Variants in ATG7 observed in about 807,000 individuals in gnomAD.
ATG7 encodes the protein ubiquitin-like modifier-activating enzyme ATG7.
Under a neutral mutation model 82.4 loss-of-function variants are expected in ATG7, and 70 were observed. That is an observed-to-expected ratio of 0.85 (90% CI 0.70 to 1.04). The LOEUF (loss-of-function observed/expected upper bound fraction) is 1.04, where lower values mean the gene tolerates loss of function less well. Among genes scored for constraint, ATG7 ranks in the 50% least tolerant of loss-of-function variants. The pLI is 0.00. For missense variants in ATG7, 792 were observed against 864.3 expected (o/e 0.92, Z 1.05); for synonymous variants, 287 against 313.0 (o/e 0.92, Z 0.88).
intron 20 of ATG7, among the ~76,000 whole-genome samples, chr3:11,453,116 T>C (rs935957595): frequency 1.3e-5 from 2 of 152,122 alleles, no homozygotes; most frequent in Non-Finnish European, 2.9e-5. Context: ...ACACCCAAAT[T>C]GGAAGATTGT....
At chr3:11,518,653 G>A (rs1575162996) in intron 20 of ATG7, among the ~76,000 whole-genome samples, 1 of 152,148 alleles carries the variant, frequency 6.6e-6, no homozygotes, top group South Asian at 2.1e-4. Flanking sequence ...ACCTGAGATG[G>A]AGATGGACAT....
chr3:11,319,756 C>G lies in ATG7; in HGVS notation c.678+4263C>G, dbSNP rs573875591. ...TCTGGTTATCCTACCGGACAGCTGT[C>G]TTCCCCCTACCACCCCTGTGTCTTG... On this transcript the variant is annotated intron_variant, in intron 9 of 20. Transcript: ENST00000693202. 4.9e-4 allele frequency among the ~76,000 whole-genome samples: 75 copies of G among 152,334 alleles called. 1 individual carries two copies. The highest frequency in any genetic ancestry group is 1.4e-3 in the Admixed American group (22 of 15,300).
chr3:11,418,846 G>A (rs565499901), intron 19 of ATG7, among the ~76,000 whole-genome samples: 1 of 152,298 alleles, frequency 6.6e-6, no homozygotes, highest in South Asian at 2.1e-4. Context: ...ATGGTGGAAG[G>A]GGAAGCAAGG....
At chr3:11,332,675 TC>T (rs1332588127) in intron 10 of ATG7, 30 of 189,544 alleles carry the variant, frequency 1.6e-4, no homozygotes, top group African/African-American at 7.0e-4. Context: ...GAGCATTTTT[TC>T]CGCATTTAAA....
chr3:11,341,061 C>T (rs189973027), intron 12 of ATG7, among the ~76,000 whole-genome samples: 6 of 151,920 alleles, frequency 3.9e-5, no homozygotes, highest in African/African-American at 1.5e-4. Context: ...CCCACTCCCC[C>T]GCCCCGTCCC....
intron 11 of ATG7, among the ~76,000 whole-genome samples, chr3:11,340,382 T>C (rs1017675110): frequency 6.6e-6 from 1 of 152,040 alleles, no homozygotes; most frequent in Non-Finnish European, 1.5e-5. Context: ...TGAGGGCTAT[T>C]TCAGAAGCTC....
intron 19 of ATG7, among the ~76,000 whole-genome samples, chr3:11,407,352 C>T (rs1388140522): frequency 6.6e-6 from 1 of 152,204 alleles, no homozygotes; most frequent in Non-Finnish European, 1.5e-5. Context: ...TGTGGCTTTG[C>T]AGGGTGCAGC....
intron 20 of ATG7, among the ~76,000 whole-genome samples, chr3:11,492,869 G>A (rs1249401193): frequency 1.3e-5 from 2 of 152,260 alleles, no homozygotes; most frequent in South Asian, 2.1e-4. Context: ...CCCCACGGCA[G>A]TGTCCAGGTG....
chr3:11,488,825 T>C (rs2153044220), intron 20 of ATG7, among the ~76,000 whole-genome samples: 1 of 152,340 alleles, frequency 6.6e-6, no homozygotes, highest in East Asian at 1.9e-4. Flanking sequence ...TTGAGGATTT[T>C]TGCATCAATG....
At chr3:11,349,541 T>TATA (rs534921153) in intron 14 of ATG7, among the ~76,000 whole-genome samples, 53 of 152,014 alleles carry the variant, frequency 3.5e-4, no homozygotes, top group African/African-American at 6.0e-4. Flanking sequence ...ACACTGTCTA[T>TATA]ATAATAATAA....
chr3:11,489,040 T>C (rs1485533472), intron 20 of ATG7, among the ~76,000 whole-genome samples: 1 of 151,580 alleles, frequency 6.6e-6, no homozygotes, highest in Non-Finnish European at 1.5e-5. Context: ...TCCTGGACTC[T>C]TTTTGGTTGG....
chr3:11,491,539 A>G (rs544652045), intron 20 of ATG7, among the ~76,000 whole-genome samples: 1 of 152,180 alleles, frequency 6.6e-6, no homozygotes, highest in African/African-American at 2.4e-5. Flanking sequence ...TTGGAGGAGG[A>G]GAGGCGCTCT....
chr3:11,549,049 G>A (rs1256649496), intron 20 of ATG7, among the ~76,000 whole-genome samples: 1 of 151,882 alleles, frequency 6.6e-6, no homozygotes, highest in African/African-American at 2.4e-5. Context: ...TCTTGCCAGC[G>A]TTATCTCAGT....
At chr3:11,285,265 G>A (rs192849549) in intron 3 of ATG7, among the ~76,000 whole-genome samples, 196 of 144,076 alleles carry the variant, frequency 1.4e-3, no homozygotes, top group African/African-American at 4.8e-3. Context: ...CTGCAGACTC[G>A]ACCTCCTGGG....
intron 10 of ATG7, among the ~76,000 whole-genome samples, chr3:11,331,723 G>C (rs539741284): frequency 3.3e-5 from 5 of 152,160 alleles, no homozygotes; most frequent in Admixed American, 6.5e-5. Flanking sequence ...CCTTCTAGCT[G>C]TCTGGGTTTC....
chr3:11,573,351 G>GA, the ATG7 span, among the ~76,000 whole-genome samples: 1 of 87,244 alleles, frequency 1.1e-5, no homozygotes, highest in Non-Finnish European at 2.9e-5. Flanking sequence ...AAGAAAGAAA[G>GA]AAAGAAAGAA....
intron 1 of ATG7, among the ~76,000 whole-genome samples, chr3:11,280,764 T>A (rs973036942): frequency 3.3e-5 from 5 of 152,210 alleles, no homozygotes; most frequent in African/African-American, 1.2e-4. Flanking sequence ...TTTATTTGCC[T>A]ATTCCCCCTG....
intron 7 of ATG7, among the ~76,000 whole-genome samples, chr3:11,309,910 A>T (rs897644337): frequency 3.3e-5 from 5 of 152,190 alleles, no homozygotes; most frequent in African/African-American, 1.2e-4. Context: ...ACAGTGGCTC[A>T]TGCTTGTAAT....
In ATG7 at chr3:11,362,065, T is replaced by TA. The variant is rs561895865; in HGVS notation, c.1684-746dup. ...CTTGATGATCTCTGTTATGGTGTTA[T>TA]AATATATAGCTGGTCTTGTTATTTA... On this transcript the variant is annotated intron_variant, in intron 16 of 20. Transcript: ENST00000693202. Among the ~76,000 whole-genome samples, 19 of 152,372 alleles carry TA rather than the reference T, an allele frequency of 1.2e-4. No homozygotes were observed. The South Asian group carries it at 3.5e-3, about 28-fold the overall frequency.
Sources: allele counts gnomAD v4.1 joint callset (sites outside exome capture counted in the v4.1 genomes callset), GRCh38; gene constraint gnomAD v4.1.1; transcripts MANE v1.5; gene names NCBI Gene and HGNC (gene_info 2026-07-23, HGNC 2026-07-21).